Variants in PPP2R2B observed in about 807,000 individuals in gnomAD.
PPP2R2B encodes serine/threonine-protein phosphatase 2A 55 kDa regulatory subunit B beta isoform.
PPP2R2B carries 5 observed loss-of-function variants against 46.0 expected under a neutral mutation model. The observed-to-expected ratio is 0.11, with a 90% CI of 0.06 to 0.23. The LOEUF (loss-of-function observed/expected upper bound fraction) is 0.23, where lower values mean the gene tolerates loss of function less well. Ranked by LOEUF, PPP2R2B falls within the 10% of genes least tolerant of loss-of-function variation. The pLI is 1.00. For synonymous variants in PPP2R2B, 215 were observed against 206.7 expected (o/e 1.04, Z -0.34); for missense variants, 367 against 575.0 (o/e 0.64, Z 3.70).
chr5:147,058,481 C>T (rs1331654541), upstream of PPP2R2B, among the ~76,000 whole-genome samples: 2 of 152,092 alleles, frequency 1.3e-5, no homozygotes, highest in African/African-American at 4.8e-5. Context: ...CCTCAAAGAA[C>T]TCAATAAATA....
intron 6 of PPP2R2B, among the ~76,000 whole-genome samples, chr5:146,645,214 C>T (rs1968587): frequency 0.79 from 120,095 of 152,178 alleles, 47,903 homozygotes; most frequent in Admixed American, 0.84. Flanking sequence ...AGATCTTTTT[C>T]CCTTTCCATG....
intron 2 of PPP2R2B, among the ~76,000 whole-genome samples, chr5:146,865,942 C>T (rs1761285846): frequency 6.6e-6 from 1 of 152,170 alleles, no homozygotes; most frequent in African/African-American, 2.4e-5. Context: ...CAGCCACTCA[C>T]TTAGACGATT....
chr5:146,623,493 T>C (rs1036256583), intron 7 of PPP2R2B, among the ~76,000 whole-genome samples: 3 of 152,250 alleles, frequency 2.0e-5, no homozygotes, highest in Non-Finnish European at 4.4e-5. Flanking sequence ...TTAACACTTA[T>C]TGACCAATTC....
chr5:146,818,797 G>A (rs979412519), intron 2 of PPP2R2B, among the ~76,000 whole-genome samples: 4 of 152,140 alleles, frequency 2.6e-5, no homozygotes, highest in African/African-American at 7.2e-5. Context: ...GGAGATGTGA[G>A]TTTTAGTCTA....
intron 1 of PPP2R2B, among the ~76,000 whole-genome samples, chr5:147,011,700 T>A (rs1434013932): frequency 6.6e-6 from 1 of 150,744 alleles, no homozygotes; most frequent in East Asian, 1.9e-4. Flanking sequence ...TTCAGTATGA[T>A]ATTGGCTGTG....
At chr5:147,020,447 G>T (rs1210670100) in intron 1 of PPP2R2B, among the ~76,000 whole-genome samples, 1 of 151,974 alleles carries the variant, frequency 6.6e-6, no homozygotes, top group African/African-American at 2.4e-5. Context: ...TGTATTGAGT[G>T]AATATATGCA....
intron 2 of PPP2R2B, among the ~76,000 whole-genome samples, chr5:146,772,383 CATATATATAT>C (rs33981708): frequency 3.2e-3 from 423 of 133,460 alleles, no homozygotes; most frequent in Admixed American, 4.7e-3. Context: ...ATAACTTGTG[CATATATATAT>C]ATATATATAT....
At chr5:146,780,880 C>A (rs767592138) in intron 2 of PPP2R2B, among the ~76,000 whole-genome samples, 3 of 151,802 alleles carry the variant, frequency 2.0e-5, no homozygotes, top group Admixed American at 6.6e-5. Flanking sequence ...ATATCTCACA[C>A]CTCTTTCTAA....
chr5:146,788,686 G>A (rs374800691), intron 2 of PPP2R2B, among the ~76,000 whole-genome samples: 2 of 152,172 alleles, frequency 1.3e-5, no homozygotes, highest in Non-Finnish European at 2.9e-5. Flanking sequence ...GTCCGAGATC[G>A]TGCATCATTG....
intron 4 of PPP2R2B, among the ~76,000 whole-genome samples, chr5:146,696,107 G>GTTTT (rs562284847): frequency 6.9e-6 from 1 of 144,194 alleles, no homozygotes; most frequent in African/African-American, 2.5e-5. Context: ...AAATCCTTGA[G>GTTTT]TTTTTTTTTT....
chr5:146,681,511 C>A (rs114715000), intron 5 of PPP2R2B, among the ~76,000 whole-genome samples: 1 of 152,116 alleles, frequency 6.6e-6, no homozygotes. Context: ...TTTCCCATTA[C>A]GCTTATAATT....
intron 7 of PPP2R2B, among the ~76,000 whole-genome samples, chr5:146,629,967 C>T (rs539265907): frequency 6.6e-6 from 1 of 152,254 alleles, no homozygotes; most frequent in East Asian, 1.9e-4. Context: ...GTGTGTGCAA[C>T]CACACCCAGA....
At position 146,755,716 on chromosome 5, in the gene PPP2R2B, GA is replaced by G. The variant is rs1269744335; in HGVS notation, c.71-54575del. Among the ~76,000 whole-genome samples the G allele has an allele frequency of 5.3e-5, 8 of 152,208 alleles. No homozygotes were observed. The East Asian group carries it at 1.5e-3, about 29-fold the overall frequency. ...GGTTTTGTTGTCAGGTAAGGTTATG[GA>G]AAAGGTATTTTAAAAGTAAACTTTG... On this transcript the variant is annotated intron_variant, in intron 2 of 9. Transcript: ENST00000394411.
chr5:146,786,947 T>C (rs1161134960), intron 2 of PPP2R2B, among the ~76,000 whole-genome samples: 1 of 152,248 alleles, frequency 6.6e-6, no homozygotes, highest in Admixed American at 6.5e-5. Flanking sequence ...TCCAGTCAAA[T>C]GCATAAGGCT....
Position 146,698,343 on chromosome 5 carries a change from TATATATATAC to T in PPP2R2B, c.169-209_169-200del, listed in dbSNP as rs1334445990. ...ATATATATATATATATATATATATATATATATATACACACACATATAATTATACACATGAA... is the reference window on the plus strand; with the variant it reads ...ATATATATATATATATATATATATATACACACATATAATTATACACATGAA... On this transcript the variant is annotated intron_variant, in intron 3 of 9. Coordinates refer to ENST00000394411, the MANE Select transcript of PPP2R2B (RefSeq NM_181675.4). Among the ~76,000 whole-genome samples the T allele has an allele frequency of 3.2e-3, 404 of 124,618 alleles. 5 individuals are homozygous for T. The highest frequency in any genetic ancestry group is 0.013 in the African/African-American group (391 of 30,472). The allele number at this position is 124,618 out of a possible 152,430, so 81.8% of individuals were successfully genotyped here. A position where few individuals can be genotyped will look rare whatever the true frequency, so the allele number is the denominator to read the frequency against.
intron 2 of PPP2R2B, among the ~76,000 whole-genome samples, chr5:146,785,173 A>G (rs78332250): frequency 0.016 from 2,401 of 152,306 alleles, 65 homozygotes; most frequent in African/African-American, 0.054. Flanking sequence ...ATCAACCCTG[A>G]TGATATAAAA....
chr5:147,040,303 T>C (rs1398693001), intron 1 of PPP2R2B, among the ~76,000 whole-genome samples: 1 of 152,168 alleles, frequency 6.6e-6, no homozygotes, highest in Non-Finnish European at 1.5e-5. Flanking sequence ...AGAATTGTAA[T>C]GAGAGCTTTG....
In PPP2R2B at chr5:146,812,789, GTGTGTATA is replaced by G. The variant is rs1340458795; in HGVS notation, c.70+65205_70+65212del. On this transcript the variant is annotated intron_variant, in intron 2 of 9. Transcript: ENST00000394411. ...ACTTAATGTGTGTGTGTGTGTATATGTGTGTATATATATATATATATATATATATATAT... is the reference window on the plus strand; with the variant it reads ...ACTTAATGTGTGTGTGTGTGTATATGTATATATATATATATATATATATAT... Among the ~76,000 whole-genome samples, 21 of 6,416 alleles carry G rather than the reference GTGTGTATA, an allele frequency of 3.3e-3. 2 individuals carry two copies. Among genetic ancestry groups the G allele is most frequent in the African/African-American group, 0.012 (19 of 1,568 alleles). The allele number at this position is 6,416 out of a possible 152,430, so 4.2% of individuals were successfully genotyped here.
At chr5:146,742,903 C>A (rs1752962463) in intron 2 of PPP2R2B, among the ~76,000 whole-genome samples, 1 of 152,194 alleles carries the variant, frequency 6.6e-6, no homozygotes, top group African/African-American at 2.4e-5. Flanking sequence ...GGTGATGCAT[C>A]TGCAAGCCAA....
Sources: allele counts gnomAD v4.1 joint callset (sites outside exome capture counted in the v4.1 genomes callset), GRCh38; gene constraint gnomAD v4.1.1; transcripts MANE v1.5; gene names NCBI Gene and HGNC (gene_info 2026-07-23, HGNC 2026-07-21).